The following PTPRN2 variants were observed in gnomAD, a reference collection of about 807,000 sequenced individuals.
The protein encoded by PTPRN2 is protein tyrosine phosphatase receptor type N2.
A neutral mutation model predicts 118.8 loss-of-function variants in PTPRN2; 74 were observed. That is an observed-to-expected ratio of 0.62 (90% CI 0.52 to 0.76). The LOEUF is 0.76. Ranked by LOEUF, PTPRN2 falls within the 30% of genes least tolerant of loss-of-function variation. The pLI is 0.00. For missense variants in PTPRN2, 1,481 were observed against 1,394.4 expected (o/e 1.06, Z -0.99); for synonymous variants, 641 against 608.0 (o/e 1.05, Z -0.80).
At chr7:158,076,000 G>A (rs749884820) in intron 11 of PTPRN2, among the ~76,000 whole-genome samples, 2 of 152,242 alleles carry the variant, frequency 1.3e-5, no homozygotes, top group Admixed American at 6.5e-5. Context: ...GAGGTCTGGC[G>A]AAGGGGAGCG....
intron 2 of PTPRN2, among the ~76,000 whole-genome samples, chr7:158,371,409 T>C (rs1294137872): frequency 1.3e-5 from 2 of 151,930 alleles, no homozygotes; most frequent in Non-Finnish European, 2.9e-5. Flanking sequence ...GAATAAAATA[T>C]ATCCTTATGT....
At chr7:157,710,774 G>T (rs1798575016) in intron 12 of PTPRN2, among the ~76,000 whole-genome samples, 1 of 25,078 alleles carries the variant, frequency 4.0e-5, no homozygotes, top group Non-Finnish European at 2.0e-4. Flanking sequence ...TGCAGGAGGG[G>T]TTCCGGGGCA....
chr7:158,133,309 T>C (rs1585556889), intron 9 of PTPRN2, among the ~76,000 whole-genome samples: 1 of 152,288 alleles, frequency 6.6e-6, no homozygotes, highest in South Asian at 2.1e-4. Flanking sequence ...TACACTTACC[T>C]GCCCCGAGAC....
chr7:158,128,084 C>A (rs553772337), intron 9 of PTPRN2, among the ~76,000 whole-genome samples: 1 of 152,166 alleles, frequency 6.6e-6, no homozygotes, highest in East Asian at 1.9e-4. Context: ...AAACCACATT[C>A]CTCTCCTTTC....
intron 12 of PTPRN2, among the ~76,000 whole-genome samples, chr7:157,839,291 T>C (rs1486282556): frequency 1.3e-5 from 2 of 152,254 alleles, no homozygotes; most frequent in Non-Finnish European, 2.9e-5. Context: ...TGAGTGCATG[T>C]TCATCACTGT....
chr7:157,558,364 C>T (rs140614923), intron 21 of PTPRN2, among the ~76,000 whole-genome samples: 5 of 152,328 alleles, frequency 3.3e-5, no homozygotes, highest in East Asian at 1.9e-4. Flanking sequence ...ATGGGGCACA[C>T]GCAGTCATTC....
At chr7:158,113,131 C>A (rs1161251712) in intron 9 of PTPRN2, among the ~76,000 whole-genome samples, 1 of 152,024 alleles carries the variant, frequency 6.6e-6, no homozygotes. Context: ...AGCGAGCTGG[C>A]AAGAATTCCA....
rs1272056275 is a variant in PTPRN2, at chr7:157,868,051, C to T, written c.1788+30622G>A. 1.3e-5 allele frequency among the ~76,000 whole-genome samples: 2 copies of T among 152,232 alleles called. No individual in the cohort carries two copies. Among genetic ancestry groups the T allele is most frequent in the African/African-American group, 4.8e-5 (2 of 41,454 alleles). ...TGCCGCAGGTAGGATCACCTGAGTC[C>T]TCTAGGAACCCAGCCCGCATCCTGG... On this transcript the variant is annotated intron_variant, in intron 12 of 22. Coordinates refer to ENST00000389418, the MANE Select transcript of PTPRN2 (RefSeq NM_002847.5). This position sits in a 1 kb window ranked among gnomAD's most constrained non-coding sequence, Gnocchi z 5.2.
intron 2 of PTPRN2, among the ~76,000 whole-genome samples, chr7:158,333,912 C>G (rs1805036691): frequency 7.0e-6 from 1 of 143,436 alleles, no homozygotes; most frequent in African/African-American, 2.6e-5. Flanking sequence ...GCAGACGTCA[C>G]TCACACCCAC....
chr7:158,280,533 G>A (rs573713999), intron 3 of PTPRN2, among the ~76,000 whole-genome samples: 1 of 152,308 alleles, frequency 6.6e-6, no homozygotes, highest in African/African-American at 2.4e-5. Flanking sequence ...TTGAAACTAG[G>A]TCTTTGAAGA....
chr7:158,387,266 G>A (rs1361479259), intron 2 of PTPRN2, among the ~76,000 whole-genome samples: 1 of 152,166 alleles, frequency 6.6e-6, no homozygotes, highest in African/African-American at 2.4e-5. Context: ...TTTCAGAACT[G>A]TAAACACAGA....
At chr7:158,385,990 C>T in intron 2 of PTPRN2, among the ~76,000 whole-genome samples, 1 of 142,918 alleles carries the variant, frequency 7.0e-6, no homozygotes, top group South Asian at 2.4e-4. Flanking sequence ...CCTCCCATGC[C>T]CTGAGTCCCT....
chr7:158,186,435 G>A (rs998800598), intron 5 of PTPRN2, among the ~76,000 whole-genome samples: 2 of 152,156 alleles, frequency 1.3e-5, no homozygotes, highest in African/African-American at 4.8e-5. Context: ...TGCACCCTAC[G>A]TCCATCGTAC....
intron 12 of PTPRN2, among the ~76,000 whole-genome samples, chr7:157,726,071 C>G (rs369599812): frequency 1.0e-3 from 121 of 120,086 alleles, no homozygotes; most frequent in East Asian, 8.9e-3. Context: ...GATATCCACA[C>G]GCAGAGGAGT....
intron 2 of PTPRN2, among the ~76,000 whole-genome samples, chr7:158,334,531 G>A (rs1276179378): frequency 7.2e-5 from 8 of 111,422 alleles, no homozygotes; most frequent in Middle Eastern, 4.7e-3. Flanking sequence ...GACACCTGCA[G>A]ACGTCACTCA....
intron 2 of PTPRN2, among the ~76,000 whole-genome samples, chr7:158,484,757 A>G (rs762317230): frequency 6.6e-6 from 1 of 152,196 alleles, no homozygotes; most frequent in Non-Finnish European, 1.5e-5. Flanking sequence ...CCTCCGCGTC[A>G]GTGTGCCGGT....
intron 3 of PTPRN2, among the ~76,000 whole-genome samples, chr7:158,269,656 G>A (rs1471568072): frequency 1.3e-5 from 2 of 152,206 alleles, no homozygotes; most frequent in Non-Finnish European, 2.9e-5. Context: ...CACAGGACGG[G>A]AGCCTGCCAG....
intron 5 of PTPRN2, among the ~76,000 whole-genome samples, chr7:158,176,529 G>T (rs1314825871): frequency 1.3e-5 from 2 of 152,194 alleles, no homozygotes; most frequent in Admixed American, 6.5e-5. Flanking sequence ...CCGTAAGCAG[G>T]TCGGCTTCCA....
rs1236252136 is a variant in PTPRN2 at position 157,729,274 on chromosome 7, T to C, written c.1789-46337A>G. ...AAAACTCTAATCCACTTGGCCCAGA[T>C]TTGTTTTGGGAGGCAGGTGGGAACC... On this transcript the variant is annotated intron_variant, in intron 12 of 22. Transcript: ENST00000389418. This position sits in a 1 kb window ranked among gnomAD's most constrained non-coding sequence, Gnocchi z 4.3. Among the ~76,000 whole-genome samples, 9 of 152,070 alleles carry C rather than the reference T, an allele frequency of 5.9e-5. No homozygotes were observed. Among genetic ancestry groups the C allele is most frequent in the Admixed American group, 5.9e-4 (9 of 15,268 alleles).
Sources: gnomAD v4.1 joint callset for allele counts (sites outside exome capture counted in the v4.1 genomes callset) on GRCh38, gnomAD v4.1.1 for gene constraint, Gnocchi (gnomAD v3.1) non-coding constraint, MANE v1.5 for transcripts, NCBI Gene and HGNC (gene_info 2026-07-23, HGNC 2026-07-21) for gene names.